ROBO2: variants seen among roughly 807,000 people sequenced by gnomAD.
The protein encoded by ROBO2 is roundabout homolog 2.
Under a neutral mutation model 160.8 loss-of-function variants are expected in ROBO2, and 53 were observed. The observed-to-expected ratio is 0.33, with a 90% CI of 0.26 to 0.41. The LOEUF is 0.41. Ranked by LOEUF, ROBO2 falls within the 10% of genes least tolerant of loss-of-function variation. The pLI, the probability that ROBO2 is intolerant of heterozygous loss-of-function variation, is 1.00. For synonymous variants in ROBO2, 664 were observed against 611.7 expected (o/e 1.09, Z -1.26); for missense variants, 1,577 against 1,722.4 (o/e 0.92, Z 1.49).
intron 2 of ROBO2, among the ~76,000 whole-genome samples, chr3:76,743,763 A>G (rs531804866): frequency 6.6e-6 from 1 of 151,896 alleles, no homozygotes; most frequent in Non-Finnish European, 1.5e-5. Flanking sequence ...ATTGCATGGA[A>G]CATAACAGAA....
intron 2 of ROBO2, among the ~76,000 whole-genome samples, chr3:77,227,685 G>A (rs2086650861): frequency 6.6e-6 from 1 of 152,170 alleles, no homozygotes; most frequent in Non-Finnish European, 1.5e-5. Flanking sequence ...GTATGTGATG[G>A]GTTTGACTGA....
intron 2 of ROBO2, among the ~76,000 whole-genome samples, chr3:76,014,096 A>G (rs1026201416): frequency 4.0e-5 from 6 of 149,996 alleles, no homozygotes; most frequent in Non-Finnish European, 7.4e-5. Flanking sequence ...AGTAATATGT[A>G]TAAAGGCAAT....
chr3:77,440,070 A>C (rs951730263), intron 2 of ROBO2, among the ~76,000 whole-genome samples: 1 of 152,218 alleles, frequency 6.6e-6, no homozygotes, highest in Non-Finnish European at 1.5e-5. Flanking sequence ...TGTGAGAAAC[A>C]GGATATAAAT....
At chr3:77,133,365 G>T (rs2076014985) in intron 2 of ROBO2, among the ~76,000 whole-genome samples, 1 of 152,152 alleles carries the variant, frequency 6.6e-6, no homozygotes, top group Admixed American at 6.5e-5. Context: ...CCATTTCTAT[G>T]AATTGCATCA....
chr3:77,305,554 T>G (rs1003241486), intron 2 of ROBO2, among the ~76,000 whole-genome samples: 1 of 152,208 alleles, frequency 6.6e-6, no homozygotes, highest in Admixed American at 6.5e-5. Flanking sequence ...TATCTGAGAC[T>G]CTGAAGCATT....
At chr3:77,227,428 A>T (rs1293960813) in intron 2 of ROBO2, among the ~76,000 whole-genome samples, 1 of 152,190 alleles carries the variant, frequency 6.6e-6, no homozygotes, top group Non-Finnish European at 1.5e-5. Context: ...AGATATTTCA[A>T]AAGGTAAATA....
intron 2 of ROBO2, among the ~76,000 whole-genome samples, chr3:77,444,089 A>C (rs1171490007): frequency 1.3e-5 from 2 of 152,002 alleles, no homozygotes; most frequent in Non-Finnish European, 2.9e-5. Flanking sequence ...TTGATCTTAG[A>C]TCTTCTTTTC....
intron 2 of ROBO2, among the ~76,000 whole-genome samples, chr3:76,242,107 C>T (rs1288707879): frequency 6.6e-6 from 1 of 152,076 alleles, no homozygotes; most frequent in African/African-American, 2.4e-5. Flanking sequence ...CCTTTTTCCC[C>T]CTTTATTAAG....
intron 2 of ROBO2, among the ~76,000 whole-genome samples, chr3:76,670,983 A>G (rs1179179416): frequency 6.6e-6 from 1 of 151,848 alleles, no homozygotes; most frequent in African/African-American, 2.4e-5. Flanking sequence ...TGCTATGAAT[A>G]ACTCACAGGA....
At chr3:77,140,323 A>G (rs900930466) in intron 2 of ROBO2, among the ~76,000 whole-genome samples, 2 of 152,194 alleles carry the variant, frequency 1.3e-5, no homozygotes, top group Non-Finnish European at 2.9e-5. Context: ...TGGGTGAACT[A>G]AAAGCCTGGC....
chr3:77,413,010 C>T (rs1484860223), intron 2 of ROBO2, among the ~76,000 whole-genome samples: 2 of 152,094 alleles, frequency 1.3e-5, no homozygotes, highest in Admixed American at 6.5e-5. Flanking sequence ...TGGGTCCAGC[C>T]AGCCTGGGCA....
At chr3:76,714,429 T>C (rs2093348367) in intron 2 of ROBO2, among the ~76,000 whole-genome samples, 1 of 152,156 alleles carries the variant, frequency 6.6e-6, no homozygotes, top group Non-Finnish European at 1.5e-5. Flanking sequence ...AAGGAAACTT[T>C]TGATAATAGC....
At chr3:76,053,035 G>T (rs79524940) in intron 2 of ROBO2, among the ~76,000 whole-genome samples, 1 of 151,936 alleles carries the variant, frequency 6.6e-6, no homozygotes, top group African/African-American at 2.4e-5. Flanking sequence ...TTCATAGGCA[G>T]TTATAAGAAA....
chr3:76,486,400 C>T (rs577090448), intron 2 of ROBO2, among the ~76,000 whole-genome samples: 1 of 152,158 alleles, frequency 6.6e-6, no homozygotes, highest in South Asian at 2.1e-4. Flanking sequence ...TTTCATCTGT[C>T]GTATGTACAA....
intron 2 of ROBO2, among the ~76,000 whole-genome samples, chr3:76,568,353 A>G (rs2084733024): frequency 6.6e-6 from 1 of 152,042 alleles, no homozygotes; most frequent in South Asian, 2.1e-4. Flanking sequence ...GCTGGAGTGC[A>G]GTGGTGCGAT....
At chr3:77,539,377 C>T (rs2092347629) in intron 6 of ROBO2, among the ~76,000 whole-genome samples, 1 of 152,100 alleles carries the variant, frequency 6.6e-6, no homozygotes, top group Non-Finnish European at 1.5e-5. Context: ...GTATCAGAAT[C>T]GGTTAGATTT....
exon 7 of ROBO2, chr3:77,546,440 T>C: frequency 6.2e-7 from 1 of 1,613,308 alleles, no homozygotes; most frequent in Non-Finnish European, 8.5e-7. Context: ...CCAGCTGTTT[T>C]TTGGCAGAAA....
intron 2 of ROBO2, among the ~76,000 whole-genome samples, chr3:76,345,665 T>C (rs2074489338): frequency 6.6e-6 from 1 of 151,952 alleles, no homozygotes; most frequent in Non-Finnish European, 1.5e-5. Context: ...AATTTTCAGG[T>C]ACTGAAAAAT....
intron 2 of ROBO2, among the ~76,000 whole-genome samples, chr3:77,373,885 A>G (rs1450189233): frequency 7.3e-6 from 1 of 137,778 alleles, no homozygotes; most frequent in Non-Finnish European, 1.6e-5. Flanking sequence ...AAAAAAAAAA[A>G]TGTTGGCGGG....
Sources: gnomAD v4.1 joint callset for allele counts (sites outside exome capture counted in the v4.1 genomes callset) on GRCh38, gnomAD v4.1.1 for gene constraint, MANE v1.5 for transcripts, NCBI Gene and HGNC (gene_info 2026-07-23, HGNC 2026-07-21) for gene names.